Variants in CSMD2 observed in about 807,000 individuals in gnomAD.
The protein encoded by CSMD2 is CUB and Sushi multiple domains 2.
Under a neutral mutation model 398.5 loss-of-function variants are expected in CSMD2, and 130 were observed. The observed-to-expected ratio is 0.33, with a 90% CI of 0.28 to 0.38. The LOEUF (loss-of-function observed/expected upper bound fraction) is 0.38, where lower values mean the gene tolerates loss of function less well. Ranked by LOEUF, CSMD2 falls within the 10% of genes least tolerant of loss-of-function variation. The pLI, the probability that CSMD2 is intolerant of heterozygous loss-of-function variation, is 1.00. For synonymous variants in CSMD2, 1,828 were observed against 1,908.5 expected, an observed-to-expected ratio of 0.96 and a Z score of 1.10; for missense variants, 3,829 against 4,764.9, an observed-to-expected ratio of 0.80 and a Z score of 5.78.
At chr1:33,544,308 G>A (rs531484443) in intron 57 of CSMD2, among the ~76,000 whole-genome samples, 34 of 147,418 alleles carry the variant, frequency 2.3e-4, no homozygotes, top group Admixed American at 2.0e-4. Flanking sequence ...TAGTAGAGAC[G>A]GGGTTTCACC....
intron 5 of CSMD2, among the ~76,000 whole-genome samples, chr1:33,881,251 T>C (rs1641218238): frequency 1.3e-5 from 2 of 152,214 alleles, no homozygotes; most frequent in South Asian, 2.1e-4. Context: ...CCTGATCCTC[T>C]GAGACAGTCA....
intron 25 of CSMD2, among the ~76,000 whole-genome samples, chr1:33,691,261 AT>A (rs1185284527): frequency 1.3e-5 from 2 of 152,178 alleles, no homozygotes; most frequent in Non-Finnish European, 2.9e-5. Flanking sequence ...TTTAGCTTTT[AT>A]TCTGTGAGCG....
chr1:33,626,661 A>T, intron 32 of CSMD2, 80 bp from the exon 33 acceptor site: 3 of 921,708 alleles, frequency 3.3e-6, no homozygotes, highest in East Asian at 5.3e-5. Flanking sequence ...GCCAGGAAGG[A>T]GGGGCTGCCA....
intron 2 of CSMD2, among the ~76,000 whole-genome samples, chr1:34,079,565 C>T (rs1656820522): frequency 6.6e-6 from 1 of 152,106 alleles, no homozygotes; most frequent in Admixed American, 6.5e-5. Flanking sequence ...CCTAAATTCT[C>T]ATGAAAATGA....
intron 15 of CSMD2, among the ~76,000 whole-genome samples, chr1:33,738,555 G>A (rs1007339788): frequency 2.6e-5 from 4 of 152,196 alleles, no homozygotes; most frequent in African/African-American, 7.2e-5. Context: ...ACTGTCTTGT[G>A]TGGCGAGGCA....
intron 5 of CSMD2, among the ~76,000 whole-genome samples, chr1:33,903,962 C>T (rs565556120): frequency 9.2e-5 from 14 of 152,146 alleles, no homozygotes; most frequent in Non-Finnish European, 1.5e-5. Flanking sequence ...TGCAGAAGCC[C>T]GAGCAGGGAA....
At chr1:33,724,375 C>A (rs1646457332) in intron 18 of CSMD2, 62 bp from the exon 19 acceptor site, 3 of 1,497,320 alleles carry the variant, frequency 2.0e-6, no homozygotes, top group Non-Finnish European at 2.8e-6. Flanking sequence ...CCCCCGTCAT[C>A]CTCCTGGGAC....
chr1:33,574,928 T>C (rs1659928303), intron 49 of CSMD2, among the ~76,000 whole-genome samples: 1 of 152,234 alleles, frequency 6.6e-6, no homozygotes. Context: ...GTGTCTTGCA[T>C]GGAGAGTCAA....
chr1:33,642,067 G>T (rs2148933354), intron 29 of CSMD2, among the ~76,000 whole-genome samples: 1 of 152,224 alleles, frequency 6.6e-6, no homozygotes. Context: ...AGCCAAGAGT[G>T]ATCTGGGCAC....
chr1:33,672,124 C>T (rs751693625), intron 25 of CSMD2, among the ~76,000 whole-genome samples: 10 of 151,328 alleles, frequency 6.6e-5, no homozygotes, highest in African/African-American at 1.5e-4. Flanking sequence ...TGGGGAGTGC[C>T]GGACAGTGGG....
chr1:33,993,634 G>C (rs538587204), intron 3 of CSMD2, among the ~76,000 whole-genome samples: 1 of 152,144 alleles, frequency 6.6e-6, no homozygotes, highest in African/African-American at 2.4e-5. Flanking sequence ...TTGCTCTCAT[G>C]ACCAATAATA....
In CSMD2 at chr1:33,621,390, C is replaced by T. The variant is rs1641760037; in HGVS notation, c.5827+777G>A. 2.0e-5 allele frequency among the ~76,000 whole-genome samples: 3 copies of T among 152,308 alleles called. No homozygotes were observed. In the South Asian group the frequency reaches 6.2e-4, roughly 32 times the overall value. On this transcript the variant is annotated intron_variant, in intron 37 of 70. Coordinates refer to ENST00000373381, the MANE Select transcript of CSMD2 (RefSeq NM_001281956.2). Reference sequence around the variant, plus strand: ...TACCATCTAGAGCCATCCATGAGAGCACCTGTAATGCTGTCATGCACCTCT... The same window carrying T: ...TACCATCTAGAGCCATCCATGAGAGTACCTGTAATGCTGTCATGCACCTCT...
At chr1:33,679,612 CAT>C (rs908408866) in intron 25 of CSMD2, among the ~76,000 whole-genome samples, 17 of 152,146 alleles carry the variant, frequency 1.1e-4, no homozygotes, top group Admixed American at 1.1e-3. Context: ...AGAGTATTAT[CAT>C]AAATGAAATC....
intron 28 of CSMD2, among the ~76,000 whole-genome samples, chr1:33,649,645 GAAACA>G (rs1643648854): frequency 6.6e-6 from 1 of 152,076 alleles, no homozygotes; most frequent in Non-Finnish European, 1.5e-5. Context: ...CTTTGTCTCA[GAAACA>G]AAACAAAACA....
chr1:34,111,228 A>T (rs1661049638), intron 1 of CSMD2, among the ~76,000 whole-genome samples: 1 of 152,224 alleles, frequency 6.6e-6, no homozygotes, highest in Non-Finnish European at 1.5e-5. Context: ...ACAAAAGTAC[A>T]ATTCATATGG....
In CSMD2 at chr1:34,032,634, G is replaced by T; in HGVS notation, c.477C>A (p.Asp159Glu). The T allele has an allele frequency of 6.2e-7, 1 of 1,602,004 alleles. No homozygotes were observed. Among genetic ancestry groups the T allele is most frequent in the Non-Finnish European group, 8.5e-7 (1 of 1,174,524 alleles). The change falls in exon 3 of 71, where the codon GAC (aspartate) becomes GAA (glutamate). Residue 159 changes from aspartate to glutamate, a missense_variant. This residue lies in a region of CSMD2 where 184 missense variants were observed against 217.7 expected (regional missense o/e 0.85). Transcript: ENST00000373381. Reference sequence around the variant, plus strand: ...GGAAGCCTTGGGCACTGACTGCATAGTCGCTGATGAGGCGCAGAGAGAGGG... The same window carrying T: ...GGAAGCCTTGGGCACTGACTGCATATTCGCTGATGAGGCGCAGAGAGAGGG... Reference protein sequence around the residue: ...ATTLSLRLISDYAVSAQGFHA... With the variant: ...ATTLSLRLISEYAVSAQGFHA...
chr1:33,772,543 G>T (rs2149329234), intron 13 of CSMD2, 26 bp downstream of exon 13: 1 of 1,599,334 alleles, frequency 6.3e-7, no homozygotes, highest in Non-Finnish European at 8.5e-7. Context: ...GAAGACCCTG[G>T]CGTGGCCTCC....
chr1:33,846,061 T>C (rs1218664355), intron 6 of CSMD2, among the ~76,000 whole-genome samples: 1 of 152,264 alleles, frequency 6.6e-6, no homozygotes, highest in African/African-American at 2.4e-5. Context: ...TTGGTGTTTA[T>C]CTCTATAAAT....
chr1:33,816,658 A>G (rs1657495160), intron 9 of CSMD2, among the ~76,000 whole-genome samples: 1 of 152,190 alleles, frequency 6.6e-6, no homozygotes, highest in South Asian at 2.1e-4. Context: ...ATTGCCCTCA[A>G]TCTCCTTTGT....
Sources: allele counts gnomAD v4.1 joint callset (sites outside exome capture counted in the v4.1 genomes callset), GRCh38; gene constraint gnomAD v4.1.1; regional missense constraint gnomAD v4.1.1; transcripts MANE v1.5; gene names NCBI Gene and HGNC (gene_info 2026-07-23, HGNC 2026-07-21).